Variants in PUM1 observed in about 807,000 individuals in gnomAD.
The protein encoded by PUM1 is pumilio homolog 1.
In PUM1, 13 loss-of-function variants were observed where a neutral mutation model predicts 131.8. The observed-to-expected ratio is 0.10, with a 90% CI of 0.06 to 0.16. The LOEUF is 0.16. Ranked by LOEUF, PUM1 falls within the 10% of genes least tolerant of loss-of-function variation. The pLI, the probability that PUM1 is intolerant of heterozygous loss-of-function variation, is 1.00. For synonymous variants in PUM1, 509 were observed against 556.5 expected, an observed-to-expected ratio of 0.91 and a Z score of 1.20; for missense variants, 961 against 1,512.4, an observed-to-expected ratio of 0.64 and a Z score of 6.05.
At chr1:31,053,788 A>G (rs1445383854) in intron 2 of PUM1, among the ~76,000 whole-genome samples, 1 of 151,590 alleles carries the variant, frequency 6.6e-6, no homozygotes, top group African/African-American at 2.4e-5. Context: ...AAAATGAAAA[A>G]CTTTTTAATG....
chr1:30,961,635 A>G (rs1160577611), intron 14 of PUM1, among the ~76,000 whole-genome samples: 1 of 152,218 alleles, frequency 6.6e-6, no homozygotes, highest in African/African-American at 2.4e-5. Flanking sequence ...TTAAAAAAAT[A>G]ATAGGAAAAA....
At chr1:31,015,166 GTGTT>G (rs905950795) in intron 3 of PUM1, among the ~76,000 whole-genome samples, 1 of 152,170 alleles carries the variant, frequency 6.6e-6, no homozygotes, top group African/African-American at 2.4e-5. Context: ...AAGCAGAAGA[GTGTT>G]TGTTAGTGCA....
rs1642630788 is a variant in PUM1 at position 31,011,880 on chromosome 1, T to C, written c.433-4778A>G. ...TTAGCAGTAAGAGGATTAAATGATG[T>C]GACAATTCCAAAAGAAGATAACAGG... is the stretch of plus-strand genomic sequence containing the variant. On this transcript the variant is annotated intron_variant, in intron 3 of 21. Coordinates refer to ENST00000426105, the MANE Select transcript of PUM1 (RefSeq NM_001020658.2). 3.9e-5 allele frequency among the ~76,000 whole-genome samples: 6 copies of C among 152,092 alleles called. No homozygotes were observed. In the South Asian group the frequency reaches 1.2e-3, roughly 32 times the overall value.
chr1:30,944,039 G>A (rs1025778212), intron 18 of PUM1, among the ~76,000 whole-genome samples: 1 of 151,982 alleles, frequency 6.6e-6, no homozygotes, highest in African/African-American at 2.4e-5. Context: ...ATTCTCTCCT[G>A]GTGGATTTAT....
At chr1:31,061,585 C>CG (rs1557612315) in intron 1 of PUM1, 1 of 151,250 alleles carries the variant, frequency 6.6e-6, no homozygotes, top group African/African-American at 2.4e-5. Flanking sequence ...GGCGACAGAG[C>CG]GAGACTCTGT....
chr1:30,963,702 T>C (rs1246041350), intron 14 of PUM1, among the ~76,000 whole-genome samples: 2 of 152,254 alleles, frequency 1.3e-5, no homozygotes, highest in Non-Finnish European at 2.9e-5. Context: ...TTAATCTTGC[T>C]GGTTAAGAAC....
chr1:30,933,486 C>CACACACACACACA, intron 21 of PUM1, 144 bp from the exon 22 acceptor site: 1 of 580,638 alleles, frequency 1.7e-6, no homozygotes, highest in Non-Finnish European at 2.8e-6. Context: ...ACACACACAC[C>CACACACACACACA]CCTACAGCAA....
intron 2 of PUM1, among the ~76,000 whole-genome samples, chr1:31,035,257 A>C (rs893301592): frequency 6.6e-6 from 1 of 151,994 alleles, no homozygotes; most frequent in Non-Finnish European, 1.5e-5. Flanking sequence ...GCCAGGCATG[A>C]TGGCACATGC....
chr1:30,955,030 C>T (rs1176531510), intron 14 of PUM1, among the ~76,000 whole-genome samples: 1 of 151,804 alleles, frequency 6.6e-6, no homozygotes, highest in Non-Finnish European at 1.5e-5. Context: ...GATTGCACCA[C>T]TCCACTCCAG....
intron 7 of PUM1, 24 bp from the exon 8 acceptor site, chr1:30,981,429 T>C (rs909910650): frequency 1.3e-6 from 2 of 1,485,084 alleles, no homozygotes; most frequent in African/African-American, 2.8e-5. Context: ...AAAAACACGG[T>C]GTGGTTAGGG....
At chr1:30,949,808 T>C (rs1358657658) in intron 17 of PUM1, among the ~76,000 whole-genome samples, 1 of 152,114 alleles carries the variant, frequency 6.6e-6, no homozygotes, top group Non-Finnish European at 1.5e-5. Context: ...GTTTGACTTG[T>C]TGGAGAAAAT....
intron 3 of PUM1, among the ~76,000 whole-genome samples, chr1:31,027,525 A>G (rs988055689): frequency 1.3e-5 from 2 of 152,196 alleles, no homozygotes; most frequent in Non-Finnish European, 2.9e-5. Context: ...GGCACAGGAA[A>G]CACAAGGACA....
intron 2 of PUM1, among the ~76,000 whole-genome samples, chr1:31,034,985 T>C (rs1643557998): frequency 6.6e-6 from 1 of 152,168 alleles, no homozygotes; most frequent in Admixed American, 6.5e-5. Context: ...ATTAATCTAA[T>C]TTGAATTTAA....
chr1:31,028,822 C>A lies in PUM1; in HGVS notation c.406G>T (p.Ala136Ser), dbSNP rs1047196055. 1 of 1,614,012 alleles carries A rather than the reference C, an allele frequency of 6.2e-7. No homozygotes were observed. Residue 136 changes from alanine (A) to serine (S), a missense_variant, in exon 3 of 22, where the codon GCT (alanine) becomes TCT (serine). Transcript: ENST00000426105. Reference sequence around the variant, plus strand: ...TCTCCCATCGCTCTTCCCTCCAGAGCAAGTGCTTGAAAATCATGATTCAGT... The same window carrying A: ...TCTCCCATCGCTCTTCCCTCCAGAGAAAGTGCTTGAAAATCATGATTCAGT... ...DELNHDFQAL[A>S]LEGRAMGEQL...
chr1:31,028,359 A>C (rs1643295901), intron 3 of PUM1, among the ~76,000 whole-genome samples: 1 of 150,800 alleles, frequency 6.6e-6, no homozygotes, highest in African/African-American at 2.4e-5. Flanking sequence ...GCACTACTCT[A>C]AAAATAGGTT....
chr1:30,952,843 T>C (rs1032206041), intron 15 of PUM1, among the ~76,000 whole-genome samples: 15 of 151,954 alleles, frequency 9.9e-5, no homozygotes, highest in African/African-American at 2.9e-4. Flanking sequence ...CTTATTTTCA[T>C]ATAAAACAGT....
At chr1:31,009,789 A>AGAAACAAAAACC (rs1642540450) in intron 3 of PUM1, among the ~76,000 whole-genome samples, 1 of 140,146 alleles carries the variant, frequency 7.1e-6, no homozygotes, top group Non-Finnish European at 1.6e-5. Flanking sequence ...AAAAAAAAAC[A>AGAAACAAAAACC]AAAACAGAAA....
chr1:31,016,621 C>CA (rs1570278391), intron 3 of PUM1, among the ~76,000 whole-genome samples: 1 of 151,786 alleles, frequency 6.6e-6, no homozygotes, highest in African/African-American at 2.4e-5. Context: ...TTCAAATCAC[C>CA]AAAAAAACTG....
intron 3 of PUM1, among the ~76,000 whole-genome samples, chr1:31,027,585 A>G (rs755026413): frequency 2.6e-5 from 4 of 152,216 alleles, no homozygotes; most frequent in African/African-American, 7.2e-5. Flanking sequence ...CCAAAAATGC[A>G]TGAACTCAAG....
Sources: allele counts gnomAD v4.1 joint callset (sites outside exome capture counted in the v4.1 genomes callset), GRCh38; gene constraint gnomAD v4.1.1; transcripts MANE v1.5; gene names NCBI Gene and HGNC (gene_info 2026-07-23, HGNC 2026-07-21).